The following SH3GL3 variants were observed in gnomAD, a reference collection of about 807,000 sequenced individuals.
SH3GL3 encodes SH3 domain containing GRB2 like 3, endophilin A3.
SH3GL3 carries 33 observed loss-of-function variants against 47.7 expected under a neutral mutation model. The observed-to-expected ratio is 0.69, with a 90% CI of 0.52 to 0.92. SH3GL3 has a LOEUF of 0.92. Ranked by LOEUF, SH3GL3 falls within the 40% of genes least tolerant of loss-of-function variation. SH3GL3 has a pLI of 0.00. For synonymous variants in SH3GL3, 155 were observed against 148.8 expected (o/e 1.04, Z -0.30); for missense variants, 363 against 417.8 (o/e 0.87, Z 1.14).
intron 7 of SH3GL3, among the ~76,000 whole-genome samples, chr15:83,587,970 A>C (rs2059997224): frequency 6.6e-6 from 1 of 152,174 alleles, no homozygotes; most frequent in Non-Finnish European, 1.5e-5. Context: ...TTTACCTGTT[A>C]CTGACAGGAG....
chr15:83,578,561 A>G (rs1307025260), intron 6 of SH3GL3, among the ~76,000 whole-genome samples: 1 of 152,162 alleles, frequency 6.6e-6, no homozygotes, highest in Non-Finnish European at 1.5e-5. Flanking sequence ...ATCCTGGAGA[A>G]TTTATTCTCC....
chr15:83,530,217 T>G (rs1171807148), intron 1 of SH3GL3, among the ~76,000 whole-genome samples: 1 of 151,986 alleles, frequency 6.6e-6, no homozygotes, highest in Non-Finnish European at 1.5e-5. Flanking sequence ...AGAGCACTGT[T>G]AGTTCTCTTT....
intron 1 of SH3GL3, among the ~76,000 whole-genome samples, chr15:83,483,067 T>A (rs185088738): frequency 6.6e-6 from 1 of 152,320 alleles, no homozygotes; most frequent in Non-Finnish European, 1.5e-5. Context: ...TACTTTGATT[T>A]CTCCAATTGG....
intron 1 of SH3GL3, among the ~76,000 whole-genome samples, chr15:83,508,431 G>T (rs1007065416): frequency 6.6e-6 from 1 of 152,130 alleles, no homozygotes; most frequent in Non-Finnish European, 1.5e-5. Flanking sequence ...GGTGTGGCTG[G>T]AGTGCAGTGA....
At chr15:83,545,521 C>A (rs2044352373) in intron 1 of SH3GL3, among the ~76,000 whole-genome samples, 1 of 152,064 alleles carries the variant, frequency 6.6e-6, no homozygotes, top group South Asian at 2.1e-4. Context: ...GTCACTGGTA[C>A]CTTATTTAGT....
At chr15:83,484,800 A>G (rs1026993825) in intron 1 of SH3GL3, among the ~76,000 whole-genome samples, 3 of 152,324 alleles carry the variant, frequency 2.0e-5, no homozygotes, top group African/African-American at 4.8e-5. Flanking sequence ...TCTCTCTGAC[A>G]TGAAGCACAT....
At chr15:83,577,420 A>T (rs2059711920) in intron 6 of SH3GL3, among the ~76,000 whole-genome samples, 1 of 151,556 alleles carries the variant, frequency 6.6e-6, no homozygotes, top group Admixed American at 6.6e-5. Context: ...CTTTTTTTGG[A>T]GACAGGGTCT....
At chr15:83,581,311 A>G (rs1165376392) in intron 6 of SH3GL3, among the ~76,000 whole-genome samples, 2 of 152,176 alleles carry the variant, frequency 1.3e-5, no homozygotes, top group East Asian at 3.9e-4. Context: ...TCACCTCTGC[A>G]TTCTCCCAAC....
chr15:83,539,737 C>T (rs2044074634), intron 1 of SH3GL3, among the ~76,000 whole-genome samples: 1 of 152,022 alleles, frequency 6.6e-6, no homozygotes, highest in African/African-American at 2.4e-5. Flanking sequence ...CATATGAATC[C>T]TTTTCTTGAG....
chr15:83,608,840 G>C (rs2060594009), intron 8 of SH3GL3, among the ~76,000 whole-genome samples: 1 of 149,900 alleles, frequency 6.7e-6, no homozygotes, highest in Non-Finnish European at 1.5e-5. Flanking sequence ...TGGGATCGAA[G>C]CTTCTAGGAG....
chr15:83,561,984 G>A (rs1318919362), intron 2 of SH3GL3, among the ~76,000 whole-genome samples: 2 of 150,006 alleles, frequency 1.3e-5, no homozygotes, highest in Non-Finnish European at 3.0e-5. Context: ...TGGTTTGGCA[G>A]GATATTTGCA....
intron 1 of SH3GL3, among the ~76,000 whole-genome samples, chr15:83,463,533 C>G (rs1371214893): frequency 6.6e-6 from 1 of 151,842 alleles, no homozygotes; most frequent in East Asian, 1.9e-4. Flanking sequence ...TAATTTGTGC[C>G]CAGATTATAG....
intron 6 of SH3GL3, among the ~76,000 whole-genome samples, chr15:83,582,421 C>T (rs1390917003): frequency 6.6e-6 from 1 of 152,108 alleles, no homozygotes; most frequent in Non-Finnish European, 1.5e-5. Flanking sequence ...TTCCAAAATC[C>T]ATTCCATGGG....
At chr15:83,561,972 A>C (rs2045295847) in intron 2 of SH3GL3, among the ~76,000 whole-genome samples, 1 of 148,774 alleles carries the variant, frequency 6.7e-6, no homozygotes, top group Admixed American at 6.8e-5. Flanking sequence ...TATTTTTCTT[A>C]ATGGTTTGGC....
intron 4 of SH3GL3, among the ~76,000 whole-genome samples, chr15:83,570,797 G>A (rs533749388): frequency 6.6e-6 from 1 of 152,338 alleles, no homozygotes; most frequent in South Asian, 2.1e-4. Context: ...ATCCCTCAGA[G>A]CAGTATAATG....
intron 7 of SH3GL3, among the ~76,000 whole-genome samples, chr15:83,588,138 G>A (rs1489461455): frequency 6.6e-6 from 1 of 152,114 alleles, no homozygotes; most frequent in African/African-American, 2.4e-5. Flanking sequence ...GTTTTGAGAT[G>A]GAGTCGTGCT....
Position 83,574,461 on chromosome 15 carries a change from A to G in SH3GL3, c.465+1763A>G, listed in dbSNP as rs372132816. 2.7e-4 allele frequency among the ~76,000 whole-genome samples: 41 copies of G among 152,156 alleles called. No individual in the cohort carries two copies. The East Asian group carries it at 7.0e-3, about 26-fold the overall frequency. On this transcript the variant is annotated intron_variant, in intron 5 of 8. Coordinates refer to ENST00000427482, the MANE Select transcript of SH3GL3 (RefSeq NM_003027.5). Reference sequence around the variant, plus strand: ...CCTCCTCAGGGCCGTTGTGACATCCATCGTCCTCTCTGGTGTATCTTCATT... The same window carrying G: ...CCTCCTCAGGGCCGTTGTGACATCCGTCGTCCTCTCTGGTGTATCTTCATT...
At chr15:83,560,840 CA>C (rs1183899630) in intron 2 of SH3GL3, among the ~76,000 whole-genome samples, 5 of 151,854 alleles carry the variant, frequency 3.3e-5, no homozygotes, top group African/African-American at 1.2e-4. Flanking sequence ...AATAGAGGAA[CA>C]ATAGTAAAAT....
At chr15:83,489,839 A>ATAGG (rs2041785371) in intron 1 of SH3GL3, among the ~76,000 whole-genome samples, 1 of 44,508 alleles carries the variant, frequency 2.2e-5, no homozygotes, top group Non-Finnish European at 4.4e-5. Flanking sequence ...TCAGAAGCCG[A>ATAGG]TAGATAGATA....
Sources: gnomAD v4.1 joint callset for allele counts (sites outside exome capture counted in the v4.1 genomes callset) on GRCh38, gnomAD v4.1.1 for gene constraint, MANE v1.5 for transcripts, NCBI Gene and HGNC (gene_info 2026-07-23, HGNC 2026-07-21) for gene names.